The following MYO10 variants were observed in gnomAD, a reference collection of about 807,000 sequenced individuals.
MYO10 encodes myosin X, also known as unconventional myosin-X.
In MYO10, 133 loss-of-function variants were observed where a neutral mutation model predicts 257.3. The ratio of observed to expected loss-of-function variants is 0.52; its 90% CI spans 0.45 to 0.60. The LOEUF (loss-of-function observed/expected upper bound fraction) is 0.60. Ranked by LOEUF, MYO10 falls within the 20% of genes least tolerant of loss-of-function variation. The probability of loss-of-function intolerance (pLI) is 0.00; values close to 1 mark genes in which losing one functional copy is unlikely to be tolerated. For missense variants in MYO10, 2,399 were observed against 2,635.7 expected (o/e 0.91, Z 1.97); for synonymous variants, 1,104 against 1,028.6 (o/e 1.07, Z -1.40).
intron 1 of MYO10, among the ~76,000 whole-genome samples, chr5:16,896,112 G>C (rs1182586762): frequency 6.6e-6 from 1 of 152,196 alleles, no homozygotes; most frequent in East Asian, 1.9e-4. Context: ...TACAAGCAGA[G>C]TAATCTCAGG....
rs1423160317 is a variant in MYO10 at position 16,935,776 on chromosome 5, G to A, written c.21+12C>T. 6.2e-7 allele frequency: 1 copy of A among 1,613,446 alleles called. No individual in the cohort carries two copies. Among genetic ancestry groups the A allele is most frequent in the Non-Finnish European group, 8.5e-7 (1 of 1,179,738 alleles). On this transcript the variant is annotated intron_variant, in intron 1 of 40. Transcript: ENST00000513610. ...GGCTCCGGAGGCCAGGTCGGACTGG[G>A]AGCGCACTTACCTCGGTGAAGAAGT...
intron 14 of MYO10, among the ~76,000 whole-genome samples, chr5:16,762,958 C>T (rs988174764): frequency 2.1e-5 from 3 of 142,168 alleles, no homozygotes; most frequent in Non-Finnish European, 3.0e-5. Flanking sequence ...AGTGAGACTC[C>T]GTCTCAGGGG....
intron 4 of MYO10, among the ~76,000 whole-genome samples, chr5:16,786,316 A>T (rs1276407411): frequency 6.6e-6 from 1 of 152,210 alleles, no homozygotes; most frequent in Non-Finnish European, 1.5e-5. Context: ...GTCGTCATAA[A>T]GATGCTTCAA....
At chr5:16,811,232 G>A (rs1021088802) in intron 3 of MYO10, among the ~76,000 whole-genome samples, 2 of 152,224 alleles carry the variant, frequency 1.3e-5, no homozygotes, top group South Asian at 2.1e-4. Context: ...CAGGCACTCC[G>A]GGATGTTTCT....
intron 1 of MYO10, among the ~76,000 whole-genome samples, chr5:16,915,422 T>C (rs1046124380): frequency 2.6e-5 from 4 of 152,214 alleles, no homozygotes; most frequent in Non-Finnish European, 4.4e-5. Context: ...TAAGGGTTTA[T>C]AGATAAATCT....
At chr5:16,922,513 G>A (rs1035129070) in intron 1 of MYO10, among the ~76,000 whole-genome samples, 4 of 152,200 alleles carry the variant, frequency 2.6e-5, no homozygotes, top group Admixed American at 6.5e-5. Flanking sequence ...AGCTCAGTAT[G>A]TTACTGGTCT....
chr5:16,699,562 A>G lies in MYO10; in HGVS notation c.3444T>C (p.Ser1148=), dbSNP rs1737928683. 1 of 1,613,796 alleles carries G rather than the reference A, an allele frequency of 6.2e-7. No individual in the cohort carries two copies. The highest frequency in any genetic ancestry group is 1.6e-4 in the Middle Eastern group (1 of 6,062). The change falls in exon 26 of 41, where the codon AGT becomes AGC. Residue 1148 remains serine (S), a synonymous_variant. Transcript: ENST00000513610. ...SEGAQSSFED[S]EEDFDSRFDT... ...CAAACCTGGAATCAAAGTCCTCTTC[A>G]CTATCTTCAAACTGGACCGAGAGAG...
chr5:16,670,822 G>A lies in MYO10; in HGVS notation c.5587C>T (p.Arg1863Cys), dbSNP rs531137935. 3.7e-6 allele frequency: 6 copies of A among 1,614,014 alleles called. No homozygotes were observed. The highest frequency in any genetic ancestry group is 3.3e-5 in the South Asian group (3 of 91,088). The change falls in exon 39 of 41, where the codon CGC becomes TGC. Residue 1863 changes from arginine (R) to cysteine (C), a missense_variant. By Grantham distance (180) the Arg-to-Cys change is radical. This residue lies in a region of MYO10 where 1,820 missense variants were observed against 1,939.4 expected (regional missense o/e 0.94). Coordinates refer to ENST00000513610, the MANE Select transcript of MYO10 (RefSeq NM_012334.3). ...AAGGTTTTGGTTGACTGGCTGATGCGGGCCTTGAGTCTCTGCAGGGAATAA... is the reference window on the plus strand; with the variant it reads ...AAGGTTTTGGTTGACTGGCTGATGCAGGCCTTGAGTCTCTGCAGGGAATAA... ...EVYSLQRLKA[R>C]ISQSTKTFTP...
chr5:16,852,123 G>A (rs34181469), intron 2 of MYO10, among the ~76,000 whole-genome samples: 25,576 of 148,430 alleles, frequency 0.17, 2,618 homozygotes, highest in East Asian at 0.25. Flanking sequence ...GGAAGGAAGG[G>A]AGGGAAGGAG....
At chr5:16,758,751 A>G (rs540510614) in intron 17 of MYO10, among the ~76,000 whole-genome samples, 46 of 152,278 alleles carry the variant, frequency 3.0e-4, no homozygotes, top group Non-Finnish European at 5.7e-4. Flanking sequence ...TGGAAAATGG[A>G]GATAATTTTT....
intron 3 of MYO10, among the ~76,000 whole-genome samples, chr5:16,801,854 A>G (rs1580006137): frequency 6.6e-6 from 1 of 152,208 alleles, no homozygotes; most frequent in East Asian, 1.9e-4. Context: ...TTCAGTAAAC[A>G]ACAGCCAAAA....
At chr5:16,747,691 G>C (rs1453286527) in intron 19 of MYO10, among the ~76,000 whole-genome samples, 1 of 152,122 alleles carries the variant, frequency 6.6e-6, no homozygotes, top group Non-Finnish European at 1.5e-5. Flanking sequence ...GGCCGAGGCG[G>C]GTGGATCACG....
intron 2 of MYO10, among the ~76,000 whole-genome samples, chr5:16,843,134 C>T (rs1743534359): frequency 1.3e-5 from 2 of 152,080 alleles, no homozygotes; most frequent in African/African-American, 4.8e-5. Context: ...CCTGACAGGC[C>T]TCGAGCCAGC....
chr5:16,865,383 C>A (rs551093372), intron 2 of MYO10, among the ~76,000 whole-genome samples: 1 of 152,264 alleles, frequency 6.6e-6, no homozygotes, highest in South Asian at 2.1e-4. Context: ...GCTGGGCTAT[C>A]GGATTCTCCA....
intron 26 of MYO10, 36 bp downstream of exon 26, chr5:16,699,414 C>G: frequency 6.2e-7 from 1 of 1,604,810 alleles, no homozygotes; most frequent in South Asian, 1.1e-5. Context: ...CCTCGCTCTC[C>G]CCCTAACCCA....
intron 1 of MYO10, among the ~76,000 whole-genome samples, chr5:16,895,388 G>A (rs2126778772): frequency 6.6e-6 from 1 of 152,310 alleles, no homozygotes; most frequent in East Asian, 1.9e-4. Flanking sequence ...CCATGTCCTG[G>A]TGAGGCAGCT....
chr5:16,679,928 T>C lies in MYO10; in HGVS notation c.4542+19A>G. On this transcript the variant is annotated intron_variant, in intron 33 of 40. Coordinates refer to ENST00000513610, the MANE Select transcript of MYO10 (RefSeq NM_012334.3). ...TCTGAGCTGTAATCACCCACCTTGA[T>C]GGGCTTGTCTTGGCTTACCTTGATA... 1 of 1,611,342 alleles carries C rather than the reference T, an allele frequency of 6.2e-7. No homozygotes were observed. Among genetic ancestry groups the C allele is most frequent in the Non-Finnish European group, 8.5e-7 (1 of 1,178,102 alleles).
At chr5:16,908,470 G>A (rs1745573015) in intron 1 of MYO10, among the ~76,000 whole-genome samples, 1 of 152,196 alleles carries the variant, frequency 6.6e-6, no homozygotes, top group Non-Finnish European at 1.5e-5. Context: ...GAAGGTTACA[G>A]TGGGCTGAGA....
At chr5:16,726,867 G>A (rs898015411) in intron 19 of MYO10, among the ~76,000 whole-genome samples, 1 of 152,148 alleles carries the variant, frequency 6.6e-6, no homozygotes, top group African/African-American at 2.4e-5. Flanking sequence ...ACCTGTTCTT[G>A]TAAATAAAGT....
Sources: gnomAD v4.1 joint callset for allele counts (sites outside exome capture counted in the v4.1 genomes callset) on GRCh38, gnomAD v4.1.1 for gene constraint, gnomAD v4.1.1 regional missense constraint, MANE v1.5 for transcripts, NCBI Gene and HGNC (gene_info 2026-07-23, HGNC 2026-07-21) for gene names.